Variants in ZZEF1 observed in about 807,000 individuals in gnomAD.
ZZEF1 encodes zinc finger ZZ-type and EF-hand domain-containing protein 1.
ZZEF1 carries 157 observed loss-of-function variants against 342.8 expected under a neutral mutation model. The observed-to-expected ratio is 0.46, with a 90% CI of 0.40 to 0.52. The LOEUF (loss-of-function observed/expected upper bound fraction) is 0.52, where lower values mean the gene tolerates loss of function less well. Ranked by LOEUF, ZZEF1 falls within the 20% of genes least tolerant of loss-of-function variation. The pLI is 0.00. For missense variants in ZZEF1, 3,480 were observed against 3,725.6 expected (o/e 0.93, Z 1.72); for synonymous variants, 1,505 against 1,429.1 (o/e 1.05, Z -1.20).
intron 39 of ZZEF1, among the ~76,000 whole-genome samples, chr17:4,039,386 C>T (rs191152534): frequency 3.8e-4 from 58 of 152,158 alleles, no homozygotes; most frequent in Admixed American, 9.8e-4. Context: ...ACAAGGATCG[C>T]TTGAACCCAG....
chr17:4,029,537 G>A (rs1049030168), intron 42 of ZZEF1, among the ~76,000 whole-genome samples: 6 of 151,932 alleles, frequency 3.9e-5, no homozygotes, highest in Admixed American at 1.3e-4. Context: ...ATACTTAAAA[G>A]GAAATGCACA....
intron 38 of ZZEF1, among the ~76,000 whole-genome samples, chr17:4,043,429 T>C (rs963849758): frequency 1.3e-5 from 2 of 152,088 alleles, no homozygotes; most frequent in Non-Finnish European, 2.9e-5. Context: ...AAGCATCAGA[T>C]AGAGAGGGCA....
intron 39 of ZZEF1, among the ~76,000 whole-genome samples, chr17:4,036,990 G>A (rs2056687957): frequency 6.6e-6 from 1 of 152,078 alleles, no homozygotes; most frequent in African/African-American, 2.4e-5. Context: ...TGATTCTAGG[G>A]CTAGGGGAGG....
Position 4,008,766 on chromosome 17 carries a change from A to G in ZZEF1, c.8805+117T>C. 6.9e-7 allele frequency: 1 copy of G among 1,458,650 alleles called. No homozygotes were observed. Among genetic ancestry groups the G allele is most frequent in the Non-Finnish European group, 9.1e-7 (1 of 1,102,796 alleles). The allele number at this position is 1,458,650 out of a possible 1,614,324, so 90.4% of individuals were successfully genotyped here. A position where few individuals can be genotyped will look rare whatever the true frequency, so the allele number is the denominator to read the frequency against. ...ACTGAACTGGAACAAGCTCTGTGTA[A>G]GCTCCGGGTGGATTCTGTCCTACTC... On this transcript the variant is annotated intron_variant, in intron 54 of 54. Coordinates refer to ENST00000381638, the MANE Select transcript of ZZEF1 (RefSeq NM_015113.4). The surrounding 1 kb of genome is among the most constrained non-coding windows in gnomAD (Gnocchi z 4.2).
chr17:4,128,692 C>A (rs1242736980), intron 1 of ZZEF1, among the ~76,000 whole-genome samples: 3 of 151,220 alleles, frequency 2.0e-5, no homozygotes, highest in Non-Finnish European at 4.4e-5. Flanking sequence ...GAACTGCTGG[C>A]TTCAAGTGAT....
intron 42 of ZZEF1, among the ~76,000 whole-genome samples, chr17:4,029,874 C>CAAAAAAAAAAAAAAA (rs58293642): frequency 1.2e-5 from 1 of 82,246 alleles, no homozygotes; most frequent in African/African-American, 3.9e-5. Flanking sequence ...AACTCCATCT[C>CAAAAAAAAAAAAAAA]AAAAAAAAAA....
At chr17:4,095,214 C>A (rs981658871) in intron 11 of ZZEF1, among the ~76,000 whole-genome samples, 1 of 152,176 alleles carries the variant, frequency 6.6e-6, no homozygotes, top group African/African-American at 2.4e-5. Flanking sequence ...CTTCCAGTGG[C>A]CGATCAACTC....
chr17:4,037,375 T>A (rs1175310176), intron 39 of ZZEF1, among the ~76,000 whole-genome samples: 1 of 152,204 alleles, frequency 6.6e-6, no homozygotes, highest in African/African-American at 2.4e-5. Flanking sequence ...ATCTCATCTG[T>A]GATTTTCCTG....
chr17:4,018,632 GCA>G (rs2056180965), intron 46 of ZZEF1, among the ~76,000 whole-genome samples: 1 of 152,150 alleles, frequency 6.6e-6, no homozygotes, highest in South Asian at 2.1e-4. Flanking sequence ...TTATTTGAAC[GCA>G]GTCTGAACAG....
Position 4,005,970 on chromosome 17 carries a change from CAG to C in ZZEF1, c.*918_*919del, listed in dbSNP as rs2055791550. The C allele has an allele frequency of 1.3e-5, 2 of 152,360 alleles. No individual in the cohort carries two copies. Among genetic ancestry groups the C allele is most frequent in the Admixed American group, 6.5e-5 (1 of 15,300 alleles). The allele number at this position is 152,360 out of a possible 1,614,324, so 9.4% of individuals were successfully genotyped here. A position where few individuals can be genotyped will look rare whatever the true frequency, so the allele number is the denominator to read the frequency against. ...TACAAGTGACAGCCAAACAGCCACG[CAG>C]AGTCCCAGAGGTGGGTATGACAGAC... is the stretch of plus-strand genomic sequence containing the variant. On this transcript the variant is annotated 3_prime_UTR_variant, in exon 55 of 55. Transcript: ENST00000381638.
In ZZEF1 at chr17:4,016,523, A is replaced by G; in HGVS notation, c.8002-57T>C. ...CTGCAAGTGGCATCAGGAAGAAGGG[A>G]CAGTTTACTTCAACCCAAGCTCCAC... is the stretch of plus-strand genomic sequence containing the variant. On this transcript the variant is annotated intron_variant, in intron 48 of 54. Coordinates refer to ENST00000381638, the MANE Select transcript of ZZEF1 (RefSeq NM_015113.4). The surrounding 1 kb of genome is among the most constrained non-coding windows in gnomAD (Gnocchi z 4.4). The G allele has an allele frequency of 6.4e-7, 1 of 1,555,782 alleles. No homozygotes were observed. The highest frequency in any genetic ancestry group is 8.6e-7 in the Non-Finnish European group (1 of 1,159,698).
chr17:4,117,080 A>C lies in ZZEF1; in HGVS notation c.586T>G (p.Ser196Ala). 1.9e-6 allele frequency: 3 copies of C among 1,614,176 alleles called. No homozygotes were observed. Among genetic ancestry groups the C allele is most frequent in the Non-Finnish European group, 2.5e-6 (3 of 1,180,030 alleles). Reference sequence around the variant, plus strand: ...ATCGGGTAGGGCATCACCGCGCTGGAGAGCCGATTGCGGTGCAGGAAGCGC... The same window carrying C: ...ATCGGGTAGGGCATCACCGCGCTGGCGAGCCGATTGCGGTGCAGGAAGCGC... ...ILRFLHRNRL[S>A]SAVMPYPMLE... is the part of the protein sequence containing the mutation. The change falls in exon 3 of 55, where the codon TCC becomes GCC. Residue 196 changes from serine (S) to alanine (A), a missense_variant. This residue lies in a region of ZZEF1 where 416 missense variants were observed against 374.2 expected (regional missense o/e 1.11). Coordinates refer to ENST00000381638, the MANE Select transcript of ZZEF1 (RefSeq NM_015113.4).
At position 4,006,460 on chromosome 17, in the gene ZZEF1, T is replaced by TG. The variant is rs2055802237; in HGVS notation, c.*429dup. 8.2e-6 allele frequency: 2 copies of TG among 244,706 alleles called. No homozygotes were observed. The highest frequency in any genetic ancestry group is 8.6e-5 in the South Asian group (2 of 23,186). 15.2% of individuals were successfully genotyped at this position (244,706 alleles called of 1,614,324 possible). ...AGGTGCTCCCAGGCTGGGCAGCCAC[T>TG]GGGGGTCTTGCTGGAAAGGTGGATC... On this transcript the variant is annotated 3_prime_UTR_variant, in exon 55 of 55. Transcript: ENST00000381638.
In ZZEF1 at chr17:4,102,412, T is replaced by C; in HGVS notation, c.1577A>G (p.Lys526Arg). 6.2e-7 allele frequency: 1 copy of C among 1,613,276 alleles called. No homozygotes were observed. Among genetic ancestry groups the C allele is most frequent in the Non-Finnish European group, 8.5e-7 (1 of 1,179,436 alleles). The change falls in exon 9 of 55, where the codon AAA (lysine) becomes AGA (arginine). Residue 526 changes from lysine to arginine, a missense_variant. By Grantham distance (26) the Lys-to-Arg change is conservative. Coordinates refer to ENST00000381638, the MANE Select transcript of ZZEF1 (RefSeq NM_015113.4). ...TGCCTGAAGAGTCAACTGGAGAGGT[T>C]TACCTGACCAAAGAAAAGGAAGACC... is the stretch of plus-strand genomic sequence containing the variant. ...VRQNLLLKYG[K>R]PLQLTLQACD...
chr17:4,050,996 C>T lies in ZZEF1; in HGVS notation c.5648G>A (p.Arg1883Gln), dbSNP rs757484121. ...GATGAGCCTCTGCCGGTCACTGATCCGAATGGTTACCATTGGGTGGGCCGT... is the reference window on the plus strand; with the variant it reads ...GATGAGCCTCTGCCGGTCACTGATCTGAATGGTTACCATTGGGTGGGCCGT... ...SITAHPMVTI[R>Q]ISDRQRLIQP... Residue 1883 changes from arginine (R) to glutamine (Q), a missense_variant, in exon 36 of 55, where the codon CGG (arginine) becomes CAG (glutamine). Physicochemically the swap from Arg to Gln is conservative, Grantham distance 43. This residue lies in a region of ZZEF1 where 175 missense variants were observed against 254.6 expected (regional missense o/e 0.69). Coordinates refer to ENST00000381638, the MANE Select transcript of ZZEF1 (RefSeq NM_015113.4). 9.9e-6 allele frequency: 16 copies of T among 1,614,056 alleles called. No individual in the cohort carries two copies. In the Admixed American group the frequency reaches 1.7e-4, roughly 17 times the overall value.
intron 5 of ZZEF1, among the ~76,000 whole-genome samples, chr17:4,111,456 G>A (rs1398244563): frequency 1.3e-5 from 2 of 152,004 alleles, no homozygotes; most frequent in Admixed American, 1.3e-4. Context: ...TCAGTAGTTC[G>A]AGACCAGTCT....
In ZZEF1 at chr17:4,138,732, C is replaced by T. The variant is rs193215897; in HGVS notation, c.354+3810G>A. The stretch of plus-strand genomic sequence containing the variant: ...GCCATCTGTTATCCTGTACTCAGCA[C>T]GTTTTTCTGCCCTAGAAGATTTTCT... On this transcript the variant is annotated intron_variant, in intron 1 of 54. Coordinates refer to ENST00000381638, the MANE Select transcript of ZZEF1 (RefSeq NM_015113.4). Among the ~76,000 whole-genome samples, 8 of 152,292 alleles carry T rather than the reference C, an allele frequency of 5.3e-5. No homozygotes were observed. The East Asian group carries it at 1.3e-3, about 26-fold the overall frequency.
At chr17:4,034,353 T>C in intron 39 of ZZEF1, 61 bp from the exon 40 acceptor site, 1 of 1,566,666 alleles carries the variant, frequency 6.4e-7, no homozygotes, top group Admixed American at 1.7e-5. Flanking sequence ...ACTTGCTAAA[T>C]ATTATATCTC....
At chr17:4,019,624 A>G (rs711178) in intron 46 of ZZEF1, 45 bp downstream of exon 46, 637,091 of 1,562,264 alleles carry the variant, frequency 0.41, 137,726 homozygotes, top group African/African-American at 0.78. Flanking sequence ...GCCCTCACAT[A>G]TTCTCTCCCT....
Sources: allele counts gnomAD v4.1 joint callset (sites outside exome capture counted in the v4.1 genomes callset), GRCh38; gene constraint gnomAD v4.1.1; regional missense constraint gnomAD v4.1.1; non-coding constraint Gnocchi (gnomAD v3.1); transcripts MANE v1.5; gene names NCBI Gene and HGNC (gene_info 2026-07-23, HGNC 2026-07-21).